The following NRXN3 variants were observed in gnomAD, a reference collection of about 807,000 sequenced individuals.
NRXN3 encodes neurexin 3, also known as neurexin III.
NRXN3 carries 32 observed loss-of-function variants against 137.6 expected under a neutral mutation model. The observed-to-expected ratio is 0.23, with a 90% CI of 0.18 to 0.31. The LOEUF is 0.31. NRXN3 is among the 10% of genes least tolerant of loss of function. The pLI is 1.00. For synonymous variants in NRXN3, 798 were observed against 784.5 expected (o/e 1.02, Z -0.29); for missense variants, 1,574 against 2,062.5 (o/e 0.76, Z 4.59).
At chr14:78,933,678 T>C (rs1597565684) in intron 10 of NRXN3, among the ~76,000 whole-genome samples, 1 of 152,322 alleles carries the variant, frequency 6.6e-6, no homozygotes, top group East Asian at 1.9e-4. Flanking sequence ...CATTTTGTTA[T>C]TGACACTTCA....
chr14:79,622,831 C>T (rs183821979), intron 16 of NRXN3, among the ~76,000 whole-genome samples: 2 of 152,228 alleles, frequency 1.3e-5, no homozygotes, highest in African/African-American at 2.4e-5. Context: ...TTCCTGACCT[C>T]GTGATCCACC....
At chr14:78,557,031 T>TCCCTCTCCTC (rs1219547628) in intron 4 of NRXN3, among the ~76,000 whole-genome samples, 17 of 120,836 alleles carry the variant, frequency 1.4e-4, no homozygotes, top group African/African-American at 4.7e-4. Context: ...CCCCTCCCCT[T>TCCCTCTCCTC]CCCTCTCCTC....
At chr14:78,678,831 C>A (rs180961579) in intron 6 of NRXN3, among the ~76,000 whole-genome samples, 2 of 152,308 alleles carry the variant, frequency 1.3e-5, no homozygotes, top group African/African-American at 2.4e-5. Context: ...TTCTACTAAG[C>A]CCCAGTGAGT....
intron 19 of NRXN3, among the ~76,000 whole-genome samples, chr14:79,782,887 C>T (rs565600176): frequency 6.6e-6 from 1 of 152,192 alleles, no homozygotes; most frequent in East Asian, 1.9e-4. Context: ...CCCAGAGATA[C>T]GAATTTTGGC....
At chr14:79,537,961 C>T (rs2097229930) in intron 16 of NRXN3, among the ~76,000 whole-genome samples, 3 of 152,114 alleles carry the variant, frequency 2.0e-5, no homozygotes, top group Admixed American at 2.0e-4. Context: ...CTGTTGTTTC[C>T]TAACTTTTTA....
At chr14:79,028,111 A>G (rs2099601547) in intron 15 of NRXN3, among the ~76,000 whole-genome samples, 1 of 152,172 alleles carries the variant, frequency 6.6e-6, no homozygotes. Context: ...GATCCAATAA[A>G]TATTGGCTCT....
At chr14:78,974,924 A>G (rs2099459057) in intron 14 of NRXN3, among the ~76,000 whole-genome samples, 1 of 152,184 alleles carries the variant, frequency 6.6e-6, no homozygotes, top group South Asian at 2.1e-4. Context: ...AAATATAACA[A>G]TGAGGTGTAA....
chr14:78,610,756 T>C (rs1055887225), intron 4 of NRXN3, among the ~76,000 whole-genome samples: 1 of 152,054 alleles, frequency 6.6e-6, no homozygotes, highest in Non-Finnish European at 1.5e-5. Flanking sequence ...GGTGAAACCA[T>C]GGGGGGCAGG....
chr14:78,185,038 A>G (rs1404975397), intron 1 of NRXN3, among the ~76,000 whole-genome samples: 1 of 152,232 alleles, frequency 6.6e-6, no homozygotes, highest in Non-Finnish European at 1.5e-5. Flanking sequence ...ACTGCTATAC[A>G]CGGACCAAGC....
chr14:78,809,078 A>G (rs2098894782), intron 9 of NRXN3, among the ~76,000 whole-genome samples: 1 of 151,934 alleles, frequency 6.6e-6, no homozygotes, highest in African/African-American at 2.4e-5. Context: ...CTAACCTGAG[A>G]CCTTTCTCTG....
intron 2 of NRXN3, among the ~76,000 whole-genome samples, chr14:78,264,855 T>G (rs1357716270): frequency 6.6e-6 from 1 of 152,216 alleles, no homozygotes; most frequent in Non-Finnish European, 1.5e-5. Context: ...TCTCTGCCCT[T>G]TCTAATTCCT....
chr14:79,531,921 G>T (rs1158224702), intron 16 of NRXN3, among the ~76,000 whole-genome samples: 1 of 152,188 alleles, frequency 6.6e-6, no homozygotes, highest in Admixed American at 6.5e-5. Flanking sequence ...ATCAAGGGGA[G>T]TGAGCAGAAA....
chr14:78,853,046 C>T (rs995048374), intron 10 of NRXN3, among the ~76,000 whole-genome samples: 1 of 152,050 alleles, frequency 6.6e-6, no homozygotes, highest in African/African-American at 2.4e-5. Flanking sequence ...GAATAGTACT[C>T]CATTGTATAC....
intron 6 of NRXN3, among the ~76,000 whole-genome samples, chr14:78,659,842 A>C (rs2097821418): frequency 6.6e-6 from 1 of 152,150 alleles, no homozygotes; most frequent in African/African-American, 2.4e-5. Flanking sequence ...AAGGAATTGA[A>C]GTGGGCAGGA....
rs550767742 is a variant in NRXN3 at position 79,088,259 on chromosome 14, C to T, written c.3262+100118C>T. Among the ~76,000 whole-genome samples, 490 of 149,850 alleles carry T rather than the reference C, an allele frequency of 3.3e-3. 2 individuals are homozygous for T. Among genetic ancestry groups the T allele is most frequent in the Non-Finnish European group, 5.5e-3 (371 of 68,014 alleles). ...TTGTTTGAACCTCTCTCATTCTGCT[C>T]ACCATCTTACCCTTCTCCTTGAAGA... On this transcript the variant is annotated intron_variant, in intron 15 of 20. Transcript: ENST00000335750.
chr14:78,205,972 G>A (rs796443924), intron 1 of NRXN3, among the ~76,000 whole-genome samples: 19 of 152,326 alleles, frequency 1.2e-4, no homozygotes, highest in African/African-American at 4.3e-4. Context: ...GGGGTAGGCA[G>A]GCAGAAGGGA....
At chr14:79,200,828 A>ATTTTTTTTTTTTTT (rs56194422) in intron 15 of NRXN3, among the ~76,000 whole-genome samples, 1 of 59,052 alleles carries the variant, frequency 1.7e-5, no homozygotes, top group Non-Finnish European at 3.1e-5. Context: ...TGTGAGCTGT[A>ATTTTTTTTTTTTTT]TTTTTTTTTT....
chr14:78,576,743 T>A (rs977028582), intron 4 of NRXN3, among the ~76,000 whole-genome samples: 45 of 152,186 alleles, frequency 3.0e-4, no homozygotes, highest in African/African-American at 1.1e-3. Context: ...CTACCCATAG[T>A]TGGAAGGTAC....
At chr14:78,758,955 A>AGTC in intron 8 of NRXN3, among the ~76,000 whole-genome samples, 1 of 152,210 alleles carries the variant, frequency 6.6e-6, no homozygotes, top group African/African-American at 2.4e-5. Context: ...TTCTTGGTGT[A>AGTC]CCAGAAAAGC....
Sources: allele counts gnomAD v4.1 joint callset (sites outside exome capture counted in the v4.1 genomes callset), GRCh38; gene constraint gnomAD v4.1.1; transcripts MANE v1.5; gene names NCBI Gene and HGNC (gene_info 2026-07-23, HGNC 2026-07-21).